NRG3: variants seen among roughly 807,000 people sequenced by gnomAD.
The protein encoded by NRG3 is pro-neuregulin-3, membrane-bound isoform.
A neutral mutation model predicts 66.9 loss-of-function variants in NRG3; 31 were observed. The ratio of observed to expected loss-of-function variants is 0.46; its 90% CI spans 0.35 to 0.63. NRG3 has a LOEUF of 0.63. Ranked by LOEUF, NRG3 falls within the 20% of genes least tolerant of loss-of-function variation. The pLI, the probability that NRG3 is intolerant of heterozygous loss-of-function variation, is 0.00. For synonymous variants in NRG3, 393 were observed against 359.4 expected, an observed-to-expected ratio of 1.09 and a Z score of -1.06; for missense variants, 910 against 878.9, an observed-to-expected ratio of 1.04 and a Z score of -0.45.
At chr10:82,358,700 T>C (rs533210959) in intron 1 of NRG3, 39 bp from the exon 2 acceptor site, 3 of 1,613,054 alleles carry the variant, frequency 1.9e-6, no homozygotes, top group African/African-American at 1.3e-5. Flanking sequence ...TGTCAGAATG[T>C]ACTGCTGACA....
chr10:82,656,087 C>T (rs2051827669), intron 2 of NRG3, among the ~76,000 whole-genome samples: 2 of 152,142 alleles, frequency 1.3e-5, no homozygotes, highest in Non-Finnish European at 1.5e-5. Flanking sequence ...GGGAGAGCAT[C>T]TAATGCAGAA....
chr10:82,652,937 A>G (rs1476165691), intron 2 of NRG3, among the ~76,000 whole-genome samples: 4 of 152,206 alleles, frequency 2.6e-5, no homozygotes, highest in Non-Finnish European at 5.9e-5. Context: ...ACAGCCCCCA[A>G]AATGTTTCTC....
At chr10:81,878,045 C>T (rs1841841069) in intron 1 of NRG3, 10 of 1,537,212 alleles carry the variant, frequency 6.5e-6, no homozygotes, top group Non-Finnish European at 7.8e-6. Context: ...TGTTCTTTCT[C>T]AATTGATTTC....
intron 1 of NRG3, among the ~76,000 whole-genome samples, chr10:82,182,610 T>G (rs2073505266): frequency 6.6e-6 from 1 of 152,074 alleles, no homozygotes; most frequent in Non-Finnish European, 1.5e-5. Flanking sequence ...TTATAGTTAT[T>G]GCTATTTTTA....
At chr10:82,309,068 C>CT (rs2134935434) in intron 1 of NRG3, among the ~76,000 whole-genome samples, 1 of 152,290 alleles carries the variant, frequency 6.6e-6, no homozygotes, top group Non-Finnish European at 1.5e-5. Context: ...GGGATCCATA[C>CT]TTTAATGCAA....
chr10:82,793,932 T>C (rs2060691146), intron 3 of NRG3, among the ~76,000 whole-genome samples: 2 of 152,214 alleles, frequency 1.3e-5, no homozygotes, highest in African/African-American at 2.4e-5. Flanking sequence ...TATAATATGG[T>C]CTACCAAATT....
At chr10:82,555,201 A>C (rs1266229707) in intron 2 of NRG3, among the ~76,000 whole-genome samples, 3 of 152,290 alleles carry the variant, frequency 2.0e-5, no homozygotes, top group East Asian at 3.9e-4. Context: ...GATTAACCTT[A>C]TTCTCTGGTC....
At chr10:81,911,264 A>C (rs1845115809) in intron 1 of NRG3, among the ~76,000 whole-genome samples, 1 of 152,144 alleles carries the variant, frequency 6.6e-6, no homozygotes, top group Non-Finnish European at 1.5e-5. Flanking sequence ...TTTTTGGGCA[A>C]ATAATGGGTT....
intron 3 of NRG3, among the ~76,000 whole-genome samples, chr10:82,829,742 T>TTAAA (rs1157094382): frequency 2.6e-5 from 4 of 152,196 alleles, no homozygotes; most frequent in African/African-American, 9.6e-5. Context: ...GGTTTTTGTT[T>TTAAA]GGTTGTGTGA....
At chr10:82,856,539 G>A (rs1200250822) in intron 3 of NRG3, among the ~76,000 whole-genome samples, 1 of 152,024 alleles carries the variant, frequency 6.6e-6, no homozygotes, top group African/African-American at 2.4e-5. Flanking sequence ...AAGGCCAGGA[G>A]TTTGAGACCA....
At position 82,089,940 on chromosome 10, in the gene NRG3, G is replaced by A. The variant is rs189709244; in HGVS notation, c.823+213777G>A. ...TCCCTCCTCAGTTCTGTGATCATAG[G>A]CAAGTCAGTTCCCTGCCCCAGCTCT... On this transcript the variant is annotated intron_variant, in intron 1 of 8. Transcript: ENST00000372141. Among the ~76,000 whole-genome samples the A allele has an allele frequency of 2.6e-5, 4 of 152,230 alleles. No homozygotes were observed. In the East Asian group the frequency reaches 7.7e-4, roughly 29 times the overall value.
At chr10:82,965,796 G>A (rs1440525779) in intron 6 of NRG3, among the ~76,000 whole-genome samples, 3 of 151,916 alleles carry the variant, frequency 2.0e-5, no homozygotes, top group African/African-American at 7.3e-5. Context: ...CTATGATCAT[G>A]GTCAGTCAGG....
intron 1 of NRG3, among the ~76,000 whole-genome samples, chr10:82,196,966 A>G (rs1846731989): frequency 6.6e-6 from 1 of 152,218 alleles, no homozygotes; most frequent in African/African-American, 2.4e-5. Context: ...AGAGTTCTCA[A>G]CACAATTCTC....
chr10:82,627,882 C>T (rs549231641), intron 2 of NRG3, among the ~76,000 whole-genome samples: 1 of 152,310 alleles, frequency 6.6e-6, no homozygotes, highest in South Asian at 2.1e-4. Flanking sequence ...ACAAGAACAC[C>T]AACACCATTC....
chr10:82,408,925 G>A (rs1216461303), intron 2 of NRG3, among the ~76,000 whole-genome samples: 1 of 152,012 alleles, frequency 6.6e-6, no homozygotes, highest in African/African-American at 2.4e-5. Context: ...TTCCACATGT[G>A]GAATTTCATT....
intron 1 of NRG3, among the ~76,000 whole-genome samples, chr10:82,164,903 G>A (rs1247723575): frequency 6.6e-6 from 1 of 151,964 alleles, no homozygotes; most frequent in African/African-American, 2.4e-5. Flanking sequence ...AGTTATAGGA[G>A]TTATTATAGT....
chr10:82,500,883 G>T (rs1410336263), intron 2 of NRG3, among the ~76,000 whole-genome samples: 2 of 152,240 alleles, frequency 1.3e-5, no homozygotes, highest in African/African-American at 4.8e-5. Flanking sequence ...ATGGTATCAA[G>T]TTTAAAGGTC....
chr10:82,399,737 AT>A (rs1351175743), intron 2 of NRG3, among the ~76,000 whole-genome samples: 2 of 152,186 alleles, frequency 1.3e-5, no homozygotes, highest in South Asian at 2.1e-4. Flanking sequence ...CAACATATTA[AT>A]TTTGAGGGGA....
chr10:82,984,527 T>A (rs1853253009), intron 8 of NRG3, among the ~76,000 whole-genome samples: 1 of 152,158 alleles, frequency 6.6e-6, no homozygotes, highest in Admixed American at 6.5e-5. Context: ...TAGAGCACAG[T>A]GCCAGTGGAA....
Sources: allele counts gnomAD v4.1 joint callset (sites outside exome capture counted in the v4.1 genomes callset), GRCh38; gene constraint gnomAD v4.1.1; transcripts MANE v1.5; gene names NCBI Gene and HGNC (gene_info 2026-07-23, HGNC 2026-07-21).